C8B: variants seen among roughly 807,000 people sequenced by gnomAD.
The protein encoded by C8B is complement component C8 beta chain.
C8B carries 67 observed loss-of-function variants against 64.6 expected under a neutral mutation model. The observed-to-expected ratio is 1.04, with a 90% confidence interval of 0.85 to 1.27. The LOEUF (loss-of-function observed/expected upper bound fraction) is 1.27. Among genes scored for constraint, C8B ranks in the 50% most tolerant of loss-of-function variants. C8B has a pLI of 0.00. For missense variants in C8B, 790 were observed against 725.2 expected (o/e 1.09, Z -1.03); for synonymous variants, 284 against 257.7 (o/e 1.10, Z -0.98).
At chr1:56,955,658 G>A (rs1645092129) in intron 3 of C8B, among the ~76,000 whole-genome samples, 1 of 152,136 alleles carries the variant, frequency 6.6e-6, no homozygotes, top group Non-Finnish European at 1.5e-5. Flanking sequence ...AACCATCATG[G>A]CTTTCATCAG....
intron 9 of C8B, among the ~76,000 whole-genome samples, chr1:56,939,751 T>C (rs1190939535): frequency 6.6e-6 from 1 of 152,176 alleles, no homozygotes; most frequent in Admixed American, 6.5e-5. Context: ...CAGGAAAGTC[T>C]AGAGGGGAGG....
intron 8 of C8B, among the ~76,000 whole-genome samples, chr1:56,941,679 T>C (rs896505472): frequency 2.6e-5 from 4 of 152,204 alleles, no homozygotes; most frequent in South Asian, 2.1e-4. Context: ...TCACAAATTA[T>C]GAAACACGTA....
chr1:56,952,241 G>A, intron 4 of C8B, 61 bp from the exon 5 acceptor site: 1 of 1,607,704 alleles, frequency 6.2e-7, no homozygotes, highest in Non-Finnish European at 8.5e-7. Context: ...AATCTTGACT[G>A]TCAGACCCTA....
chr1:56,942,409 T>C (rs1349449689), intron 8 of C8B, among the ~76,000 whole-genome samples: 1 of 152,198 alleles, frequency 6.6e-6, no homozygotes, highest in African/African-American at 2.4e-5. Flanking sequence ...CCAAAAGAAC[T>C]GGTGTAAAAC....
intron 8 of C8B, among the ~76,000 whole-genome samples, chr1:56,942,166 G>C (rs566291539): frequency 6.6e-6 from 1 of 152,348 alleles, no homozygotes; most frequent in East Asian, 1.9e-4. Context: ...ATCTGGGAGA[G>C]ATGAAGGTAC....
At chr1:56,957,726 T>C (rs1645122800) in intron 2 of C8B, among the ~76,000 whole-genome samples, 1 of 152,160 alleles carries the variant, frequency 6.6e-6, no homozygotes, top group African/African-American at 2.4e-5. Flanking sequence ...TTATTGGTAA[T>C]TGTATCCCCT....
rs772949976 is a variant in C8B, at chr1:56,954,781, ACAGT to A, written c.434_437del (p.Asp145ValfsTer34). 1 of 1,613,862 alleles carries A rather than the reference ACAGT, an allele frequency of 6.2e-7. No individual in the cohort carries two copies. Among genetic ancestry groups the A allele is most frequent in the Non-Finnish European group, 8.5e-7 (1 of 1,179,848 alleles). ...AGTTTGCTTCATCTGACTGGTCTCC[ACAGT>A]CATTGTCCCCATTGCAAAGAAGTCT... On this transcript the variant is annotated frameshift_variant, in exon 4 of 12. Transcript: ENST00000371237. LOFTEE classifies it high-confidence loss of function.
At chr1:56,930,413 CT>C (rs1457395748) in intron 11 of C8B, among the ~76,000 whole-genome samples, 1 of 152,182 alleles carries the variant, frequency 6.6e-6, no homozygotes, top group Admixed American at 6.5e-5. Context: ...AACTGGGCCT[CT>C]CCATTTGAAA....
chr1:56,931,924 A>G lies in C8B; in HGVS notation c.1553-46T>C, dbSNP rs1255024560. ...AAGTGTGAATCATGCCAGGTGGAGCAAAGAACTCCTGGAGCTCAGCCCTCC... is the reference window on the plus strand; with the variant it reads ...AAGTGTGAATCATGCCAGGTGGAGCGAAGAACTCCTGGAGCTCAGCCCTCC... On this transcript the variant is annotated intron_variant, in intron 10 of 11. Coordinates refer to ENST00000371237, the MANE Select transcript of C8B (RefSeq NM_000066.4). 4.4e-6 allele frequency: 6 copies of G among 1,374,340 alleles called. No individual in the cohort carries two copies. In the African/African-American group the frequency reaches 7.1e-5, roughly 16 times the overall value. The allele number at this position is 1,374,340 out of a possible 1,614,324, so 85.1% of individuals were successfully genotyped here. A position where few individuals can be genotyped will look rare whatever the true frequency, so the allele number is the denominator to read the frequency against.
At chr1:56,948,568 G>T (rs1644976604) in intron 6 of C8B, among the ~76,000 whole-genome samples, 1 of 152,182 alleles carries the variant, frequency 6.6e-6, no homozygotes, top group African/African-American at 2.4e-5. Flanking sequence ...GTTAGAAGCA[G>T]TGATGAAGGC....
chr1:56,950,169 G>A (rs1030588132), intron 5 of C8B, among the ~76,000 whole-genome samples: 1 of 152,204 alleles, frequency 6.6e-6, no homozygotes, highest in African/African-American at 2.4e-5. Context: ...CATCAAAATA[G>A]GCTTTTGAAT....
At chr1:56,956,725 C>A (rs1645108443) in intron 3 of C8B, 44 bp downstream of exon 3, 1 of 1,609,336 alleles carries the variant, frequency 6.2e-7, no homozygotes, top group Non-Finnish European at 8.5e-7. Context: ...AGAACCATTA[C>A]CTCATTTCAG....
At chr1:56,951,412 G>A (rs566564490) in intron 5 of C8B, among the ~76,000 whole-genome samples, 18 of 152,100 alleles carry the variant, frequency 1.2e-4, no homozygotes, top group Admixed American at 7.9e-4. Flanking sequence ...TGTTCCCATC[G>A]GATCTCAAGT....
intron 2 of C8B, chr1:56,959,584 G>T (rs899883348): frequency 9.1e-6 from 14 of 1,535,260 alleles, no homozygotes; most frequent in African/African-American, 1.4e-5. Context: ...AGTCATACAA[G>T]TGTCCATTGT....
intron 1 of C8B, chr1:56,963,954 C>A (rs1208659313): frequency 1.0e-6 from 1 of 985,236 alleles, no homozygotes; most frequent in Non-Finnish European, 1.2e-6. Flanking sequence ...TGTTCCAGAA[C>A]CAAAGACTAT....
intron 6 of C8B, among the ~76,000 whole-genome samples, chr1:56,949,017 T>TC (rs1213719939): frequency 6.6e-6 from 1 of 151,986 alleles, no homozygotes; most frequent in African/African-American, 2.4e-5. Context: ...TATTTTTTTT[T>TC]TTTGAGAAGA....
chr1:56,941,071 G>T, intron 8 of C8B, 59 bp from the exon 9 acceptor site: 1 of 1,590,408 alleles, frequency 6.3e-7, no homozygotes, highest in Non-Finnish European at 8.6e-7. Context: ...CCTAGAATTT[G>T]CTGCAACCCA....
chr1:56,960,561 G>A (rs1490012694), intron 1 of C8B, among the ~76,000 whole-genome samples: 1 of 152,238 alleles, frequency 6.6e-6, no homozygotes, highest in Non-Finnish European at 1.5e-5. Flanking sequence ...GGCTGGAGCT[G>A]TGCAGGCCCA....
intron 9 of C8B, among the ~76,000 whole-genome samples, chr1:56,937,999 C>T (rs1010618067): frequency 6.6e-6 from 1 of 152,166 alleles, no homozygotes; most frequent in African/African-American, 2.4e-5. Flanking sequence ...TAAAAGTAAA[C>T]ATTTTCACCA....
Sources: allele counts gnomAD v4.1 joint callset (sites outside exome capture counted in the v4.1 genomes callset), GRCh38; gene constraint gnomAD v4.1.1; transcripts MANE v1.5; gene names NCBI Gene and HGNC (gene_info 2026-07-23, HGNC 2026-07-21).